The following APPL2 variants were observed in gnomAD, a reference collection of about 807,000 sequenced individuals.
The protein encoded by APPL2 is adaptor protein, phosphotyrosine interacting with PH domain and leucine zipper 2, also known as DCC-interacting protein 13-beta.
APPL2 carries 84 observed loss-of-function variants against 92.7 expected under a neutral mutation model. That is an observed-to-expected ratio of 0.91 (90% confidence interval 0.76 to 1.09). The LOEUF (loss-of-function observed/expected upper bound fraction) is 1.09. APPL2 is among the 50% of genes least tolerant of loss of function. The probability of loss-of-function intolerance (pLI) is 0.00; values close to 1 mark genes in which losing one functional copy is unlikely to be tolerated. For synonymous variants in APPL2, 291 were observed against 291.0 expected, an observed-to-expected ratio of 1.00 and a Z score of 0.00; for missense variants, 736 against 824.5, an observed-to-expected ratio of 0.89 and a Z score of 1.31.
At chr12:105,200,925 T>C (rs1225111224) in intron 9 of APPL2, among the ~76,000 whole-genome samples, 1 of 152,050 alleles carries the variant, frequency 6.6e-6, no homozygotes, top group African/African-American at 2.4e-5. Context: ...AATCTATTCA[T>C]TTTGAGAGAG....
At chr12:105,207,411 G>A (rs536810316) in intron 7 of APPL2, among the ~76,000 whole-genome samples, 9 of 152,310 alleles carry the variant, frequency 5.9e-5, no homozygotes, top group East Asian at 3.9e-4. Flanking sequence ...TTGTGAGGCC[G>A]CGGTGAGGTG....
In APPL2 at chr12:105,203,717, T is replaced by A; in HGVS notation, c.690A>T (p.Ala230=). The A allele has an allele frequency of 6.2e-7, 1 of 1,614,236 alleles. No individual in the cohort carries two copies. The highest frequency in any genetic ancestry group is 8.5e-7 in the Non-Finnish European group (1 of 1,180,018). Residue 230 remains alanine (A), a synonymous_variant, in exon 9 of 21, where the codon GCA becomes GCT. Coordinates refer to ENST00000258530, the MANE Select transcript of APPL2 (RefSeq NM_018171.5). Reference sequence around the variant, plus strand: ...TGCAGCATTACCTTTGAACCATGTCTGCAACGGAGGATAAAAAGCTGTCCA... The same window carrying A: ...TGCAGCATTACCTTTGAACCATGTCAGCAACGGAGGATAAAAAGCTGTCCA... The part of the protein sequence containing the change: ...KRMDSFLSSV[A]DMVQSIQVEL...
intron 14 of APPL2, among the ~76,000 whole-genome samples, chr12:105,194,577 G>C (rs1887479178): frequency 6.6e-6 from 1 of 152,006 alleles, no homozygotes; most frequent in African/African-American, 2.4e-5. Context: ...TGTAATCCCA[G>C]CTACTCGGGA....
intron 17 of APPL2, among the ~76,000 whole-genome samples, chr12:105,186,942 G>C (rs1204816605): frequency 6.6e-6 from 1 of 151,770 alleles, no homozygotes; most frequent in Non-Finnish European, 1.5e-5. Context: ...TTGTCTTTCT[G>C]TTGAGTTTTA....
chr12:105,184,552 G>A (rs1015599934), intron 17 of APPL2, among the ~76,000 whole-genome samples: 13 of 152,282 alleles, frequency 8.5e-5, no homozygotes, highest in South Asian at 2.1e-4. Context: ...GGTACACTCC[G>A]GACTCTCTTT....
chr12:105,227,075 C>G (rs574378192), intron 2 of APPL2, among the ~76,000 whole-genome samples: 2 of 151,712 alleles, frequency 1.3e-5, no homozygotes, highest in Non-Finnish European at 2.9e-5. Flanking sequence ...GAGGTATAAT[C>G]ATGCCACTGT....
intron 19 of APPL2, 42 bp downstream of exon 19, chr12:105,176,834 T>C: frequency 6.2e-7 from 1 of 1,600,394 alleles, no homozygotes; most frequent in African/African-American, 1.4e-5. Context: ...AATGGACTTG[T>C]TTGGACTGGG....
chr12:105,195,133 G>A (rs113988162), intron 14 of APPL2, 128 bp downstream of exon 14: 43 of 891,144 alleles, frequency 4.8e-5, no homozygotes, highest in African/African-American at 1.5e-4. Context: ...CCCAGCCATC[G>A]TTACTGCTTC....
chr12:105,203,019 AC>A (rs1888355353), intron 9 of APPL2, among the ~76,000 whole-genome samples: 1 of 5,808 alleles, frequency 1.7e-4, no homozygotes, highest in South Asian at 7.9e-3. Flanking sequence ...CTACACACAC[AC>A]ACACACACAC....
intron 11 of APPL2, among the ~76,000 whole-genome samples, chr12:105,196,058 C>CAA (rs371863529): frequency 4.3e-4 from 52 of 121,618 alleles, no homozygotes; most frequent in African/African-American, 6.2e-4. Context: ...CTATCTCAAA[C>CAA]AAAAAAAAAA....
At chr12:105,190,477 AG>A (rs992185242) in intron 14 of APPL2, among the ~76,000 whole-genome samples, 3 of 152,194 alleles carry the variant, frequency 2.0e-5, no homozygotes, top group African/African-American at 7.2e-5. Context: ...CTTGGAACAT[AG>A]TAGGCACTAA....
chr12:105,196,826 T>C (rs1033953807), intron 11 of APPL2, among the ~76,000 whole-genome samples: 4 of 152,134 alleles, frequency 2.6e-5, no homozygotes, highest in Non-Finnish European at 5.9e-5. Context: ...ATAGATCTTA[T>C]CCCTATTTTA....
intron 17 of APPL2, among the ~76,000 whole-genome samples, chr12:105,188,036 C>T (rs980558312): frequency 4.6e-5 from 7 of 151,606 alleles, no homozygotes; most frequent in Admixed American, 2.6e-4. Flanking sequence ...GAGAATAAGT[C>T]TAGTGTGATG....
At chr12:105,183,825 TCTC>T (rs1215635545) in intron 17 of APPL2, among the ~76,000 whole-genome samples, 1 of 152,190 alleles carries the variant, frequency 6.6e-6, no homozygotes, top group Non-Finnish European at 1.5e-5. Context: ...TTGTGGAAGT[TCTC>T]CTGGATAATA....
intron 7 of APPL2, 113 bp from the exon 8 acceptor site, chr12:105,207,320 A>G (rs1888811498): frequency 1.6e-5 from 17 of 1,063,630 alleles, no homozygotes; most frequent in Non-Finnish European, 2.0e-5. Context: ...TGTGACAAAT[A>G]TAACAAAACA....
chr12:105,232,996 T>C, intron 1 of APPL2: 2 of 739,560 alleles, frequency 2.7e-6, no homozygotes, highest in Non-Finnish European at 3.3e-6. Context: ...ATTTCTTTGT[T>C]CCGTTATGCC....
rs764530941 is a variant in APPL2, at chr12:105,207,196, T to C, written c.486A>G (p.Glu162=). 1.7e-5 allele frequency: 28 copies of C among 1,613,412 alleles called. No homozygotes were observed. Among genetic ancestry groups the C allele is most frequent in the Admixed American group, 1.5e-4 (9 of 59,830 alleles). Residue 162 remains glutamate (E), a synonymous_variant, in exon 8 of 21, where the codon GAA becomes GAG. Coordinates refer to ENST00000258530, the MANE Select transcript of APPL2 (RefSeq NM_018171.5). The part of the protein sequence containing the change: ...KKKENEKVKT[E]VGKEVAAARR... ...GGGCCGCGGCCACCTCTTTTCCGAC[T>C]TCGGTCTTCACCTGGTTAAAAGGTG...
intron 2 of APPL2, among the ~76,000 whole-genome samples, 161 bp from the exon 3 acceptor site, chr12:105,217,886 T>G (rs960853721): frequency 2.6e-5 from 4 of 152,194 alleles, no homozygotes; most frequent in African/African-American, 9.7e-5. Flanking sequence ...GAAGATCACT[T>G]GAGACCAGGA....
At chr12:105,194,148 C>T (rs184711188) in intron 14 of APPL2, among the ~76,000 whole-genome samples, 76 of 152,256 alleles carry the variant, frequency 5.0e-4, no homozygotes, top group African/African-American at 1.7e-3. Flanking sequence ...TCTACCATGC[C>T]ACTAAAAGAT....
Sources: gnomAD v4.1 joint callset for allele counts (sites outside exome capture counted in the v4.1 genomes callset) on GRCh38, gnomAD v4.1.1 for gene constraint, MANE v1.5 for transcripts, NCBI Gene and HGNC (gene_info 2026-07-23, HGNC 2026-07-21) for gene names.